DNASE1: variants seen among roughly 807,000 people sequenced by gnomAD.
DNASE1 encodes the protein deoxyribonuclease 1.
A neutral mutation model predicts 33.9 loss-of-function variants in DNASE1; 40 were observed. That is an observed-to-expected ratio of 1.18 (90% CI 0.92 to 1.54). DNASE1 has a LOEUF of 1.54. DNASE1 is among the 40% of genes most tolerant of loss of function. DNASE1 has a pLI of 0.00. For missense variants in DNASE1, 518 were observed against 372.6 expected (o/e 1.39, Z -3.21); for synonymous variants, 216 against 160.0 (o/e 1.35, Z -2.64).
upstream of DNASE1, chr16:3,654,243 C>G: frequency 2.5e-6 from 1 of 397,822 alleles, no homozygotes; most frequent in Non-Finnish European, 4.4e-6. Flanking sequence ...CTATTGTCTA[C>G]CTCAAGAAGG....
upstream of DNASE1, chr16:3,652,286 A>G (rs1450771379): frequency 6.6e-6 from 1 of 152,284 alleles, no homozygotes; most frequent in Non-Finnish European, 1.5e-5. Context: ...TCTGTGAGCT[A>G]TAATTGGTGT....
At position 3,655,532 on chromosome 16, in the gene DNASE1, G is replaced by A; in HGVS notation, c.147+12G>A. The A allele has an allele frequency of 6.2e-7, 1 of 1,613,978 alleles. No individual in the cohort carries two copies. Among genetic ancestry groups the A allele is most frequent in the Non-Finnish European group, 8.5e-7 (1 of 1,180,030 alleles). On this transcript the variant is annotated intron_variant, in intron 2 of 8. Coordinates refer to ENST00000246949, the MANE Select transcript of DNASE1 (RefSeq NM_005223.4). ...GCTACATTGTGCAGGTGAGGCCAGG[G>A]CAGCCTCCCCCCAAAAGCAGAGGAG...
intron 2 of DNASE1, 32 bp downstream of exon 2, chr16:3,655,552 G>C: frequency 1.9e-6 from 3 of 1,613,644 alleles, no homozygotes; most frequent in Non-Finnish European, 2.5e-6. Context: ...CCCAAAAGCA[G>C]AGGAGCTCTG....
At chr16:3,656,270 G>T (rs1483700097) in intron 4 of DNASE1, 85 bp downstream of exon 4, 2 of 1,427,670 alleles carry the variant, frequency 1.4e-6, no homozygotes, top group African/African-American at 2.8e-5. Context: ...CTATTAGTTT[G>T]TCCTATGGCA....
rs1196061726 is a variant in DNASE1, at chr16:3,657,307, A to C, written c.670A>C (p.Thr224Pro). The change falls in exon 7 of 9, where the codon ACC (threonine) becomes CCC (proline). Residue 224 changes from threonine (T) to proline (P), a missense_variant. Thr to Pro is a conservative substitution (Grantham distance 38, BLOSUM62 -1). Coordinates refer to ENST00000246949, the MANE Select transcript of DNASE1 (RefSeq NM_005223.4). Reference protein sequence around the residue: ...FQWLIPDSADTTATPTHCAYD... With the variant: ...FQWLIPDSADPTATPTHCAYD... ...GTGGCTGATCCCCGACAGCGCTGAC[A>C]CCACAGCTACACCCACGCACTGTGC... 11 of 1,613,608 alleles carry C rather than the reference A, an allele frequency of 6.8e-6. No individual in the cohort carries two copies. Among genetic ancestry groups the C allele is most frequent in the Non-Finnish European group, 9.3e-6 (11 of 1,180,024 alleles).
In DNASE1 at chr16:3,657,746, G is replaced by A. The variant is rs1053874; in HGVS notation, c.731G>A (p.Arg244Gln). The change falls in exon 8 of 9, where the codon CGA becomes CAA. Residue 244 changes from arginine (R) to glutamine (Q), a missense_variant. Arg to Gln is a conservative substitution (Grantham distance 43). Coordinates refer to ENST00000246949, the MANE Select transcript of DNASE1 (RefSeq NM_005223.4). The part of the protein sequence containing the change: ...DRIVVAGMLL[R>Q]GAVVPDSALP... ...ATCGTGGTTGCAGGGATGCTGCTCCGAGGCGCCGTTGTTCCCGACTCGGCT... is the reference window on the plus strand; with the variant it reads ...ATCGTGGTTGCAGGGATGCTGCTCCAAGGCGCCGTTGTTCCCGACTCGGCT... The A allele has an allele frequency of 0.34, 542,428 of 1,613,564 alleles. 100,282 individuals carry two copies. The highest frequency in any genetic ancestry group is 0.75 in the African/African-American group (56,339 of 74,978).
upstream of DNASE1, chr16:3,652,775 C>T (rs993161216): frequency 6.6e-6 from 1 of 152,440 alleles, no homozygotes; most frequent in Non-Finnish European, 1.5e-5. Flanking sequence ...CTGGCCAGAC[C>T]GAGCACTTTC....
intron 1 of DNASE1, among the ~76,000 whole-genome samples, chr16:3,630,980 CTT>C (rs1211515512): frequency 1.3e-5 from 2 of 151,946 alleles, no homozygotes; most frequent in African/African-American, 2.4e-5. Context: ...TCAGGAAAGA[CTT>C]ATGTCATTTT....
At chr16:3,618,085 CAAA>C (rs71392849) in intron 1 of DNASE1, among the ~76,000 whole-genome samples, 6 of 104,158 alleles carry the variant, frequency 5.8e-5, no homozygotes, top group Admixed American at 1.0e-4. Context: ...AAGCCAAGAC[CAAA>C]AAAAAAAAAA....
At chr16:3,635,858 G>C (rs939886082) in intron 1 of DNASE1, among the ~76,000 whole-genome samples, 2 of 151,886 alleles carry the variant, frequency 1.3e-5, no homozygotes, top group Non-Finnish European at 2.9e-5. Flanking sequence ...TTTTCTCTTT[G>C]TCTTTGATTT....
At chr16:3,663,469 C>T (rs1430495508) in exon 10 of DNASE1, 11 of 1,614,222 alleles carry the variant, frequency 6.8e-6, no homozygotes, top group Admixed American at 5.0e-5. Flanking sequence ...TGATCCACGA[C>T]TATGTCCGTC....
chr16:3,650,936 T>C (rs1397038765), upstream of DNASE1: 1 of 152,214 alleles, frequency 6.6e-6, no homozygotes, highest in Non-Finnish European at 1.5e-5. Flanking sequence ...AACGTTAATG[T>C]TGAGACCATG....
At chr16:3,662,775 C>T (rs749246757), downstream of DNASE1, 12 of 1,046,982 alleles carry the variant, frequency 1.1e-5, no homozygotes, top group Non-Finnish European at 1.5e-5. Flanking sequence ...AGGGCTTCTG[C>T]TGCTGCTGGA....
intron 1 of DNASE1, among the ~76,000 whole-genome samples, chr16:3,645,595 G>A (rs956949730): frequency 2.6e-5 from 4 of 152,206 alleles, no homozygotes; most frequent in East Asian, 1.9e-4. Flanking sequence ...GGCAGCCGGC[G>A]GAGGCTGAGC....
chr16:3,629,165 A>G (rs1351373769), intron 1 of DNASE1, among the ~76,000 whole-genome samples: 2 of 144,004 alleles, frequency 1.4e-5, no homozygotes, highest in Non-Finnish European at 3.0e-5. Flanking sequence ...GAGCAAGACT[A>G]AGTCTCAAAA....
chr16:3,623,429 T>C (rs2041393125), intron 1 of DNASE1, among the ~76,000 whole-genome samples: 1 of 152,100 alleles, frequency 6.6e-6, no homozygotes, highest in East Asian at 1.9e-4. Context: ...AGGCAAAGAA[T>C]ATATGACTAA....
chr16:3,658,844 C>G (rs370413693), downstream of DNASE1: 2 of 1,614,072 alleles, frequency 1.2e-6, no homozygotes, highest in African/African-American at 2.7e-5. Flanking sequence ...GCAGCTGATT[C>G]AGCTTCTTGA....
chr16:3,649,923 G>C (rs1220138070), upstream of DNASE1, among the ~76,000 whole-genome samples: 1 of 151,234 alleles, frequency 6.6e-6, no homozygotes. Context: ...CCAACTTCTA[G>C]TTGATAAAAA....
At chr16:3,633,334 C>G (rs1373813127) in intron 1 of DNASE1, among the ~76,000 whole-genome samples, 3 of 152,176 alleles carry the variant, frequency 2.0e-5, no homozygotes, top group African/African-American at 7.2e-5. Context: ...TGGCTGGGCG[C>G]AGTGGCCCAT....
Sources: allele counts gnomAD v4.1 joint callset (sites outside exome capture counted in the v4.1 genomes callset), GRCh38; gene constraint gnomAD v4.1.1; transcripts MANE v1.5; gene names NCBI Gene and HGNC (gene_info 2026-07-23, HGNC 2026-07-21).